The following XXYLT1 variants were observed in gnomAD, a reference collection of about 807,000 sequenced individuals.
XXYLT1 encodes UDP-xylose:alpha-xyloside alpha-1,3-xylosyltransferase.
XXYLT1 carries 20 observed loss-of-function variants against 28.9 expected under a neutral mutation model. That is an observed-to-expected ratio of 0.69 (90% CI 0.49 to 1.00). The LOEUF (loss-of-function observed/expected upper bound fraction) is 1.00, where lower values mean the gene tolerates loss of function less well. XXYLT1 is among the 50% of genes least tolerant of loss of function. XXYLT1 has a pLI of 0.00. For synonymous variants in XXYLT1, 257 were observed against 253.8 expected (o/e 1.01, Z -0.12); for missense variants, 542 against 560.1 (o/e 0.97, Z 0.33).
At chr3:195,242,775 T>A (rs903321295) in intron 1 of XXYLT1, among the ~76,000 whole-genome samples, 1 of 152,168 alleles carries the variant, frequency 6.6e-6, no homozygotes, top group Non-Finnish European at 1.5e-5. Context: ...GGTGCCATGA[T>A]GTTCTGAACA....
chr3:195,101,274 T>C (rs1716758853), intron 3 of XXYLT1, among the ~76,000 whole-genome samples: 1 of 152,288 alleles, frequency 6.6e-6, no homozygotes, highest in African/African-American at 2.4e-5. Flanking sequence ...AAGGAGAACA[T>C]GTACTAGTTA....
rs1245881483 is a variant in XXYLT1, at chr3:195,256,178, G to A, written c.504+14377C>T. Among the ~76,000 whole-genome samples, 4 of 152,190 alleles carry A rather than the reference G, an allele frequency of 2.6e-5. No individual in the cohort carries two copies. Among genetic ancestry groups the A allele is most frequent in the Non-Finnish European group, 4.4e-5 (3 of 68,020 alleles). On this transcript the variant is annotated intron_variant, in intron 1 of 3. Transcript: ENST00000310380. The surrounding 1 kb of genome is among the most constrained non-coding windows in gnomAD (Gnocchi z 4.2). The stretch of plus-strand genomic sequence containing the variant: ...CAGAGTGCTGAAGAATCAGCAAGCC[G>A]GACTCCAATCATGGCTCCGAGCAAG...
intron 3 of XXYLT1, among the ~76,000 whole-genome samples, chr3:195,116,047 A>G (rs917061805): frequency 3.3e-5 from 5 of 152,132 alleles, no homozygotes; most frequent in African/African-American, 9.7e-5. Context: ...ATGGGCCTAT[A>G]AGACTCAGCG....
intron 3 of XXYLT1, among the ~76,000 whole-genome samples, chr3:195,139,602 C>G (rs1358723346): frequency 6.6e-6 from 1 of 152,102 alleles, no homozygotes; most frequent in Non-Finnish European, 1.5e-5. Flanking sequence ...CAGAGCCTGG[C>G]CCTTAGCAGG....
intron 1 of XXYLT1, among the ~76,000 whole-genome samples, chr3:195,262,138 G>A (rs139276472): frequency 2.2e-4 from 34 of 152,314 alleles, no homozygotes; most frequent in African/African-American, 7.0e-4. Context: ...TTATCCATAC[G>A]ATGGAATAGT....
At chr3:195,119,669 AG>A in intron 3 of XXYLT1, among the ~76,000 whole-genome samples, 1 of 145,656 alleles carries the variant, frequency 6.9e-6, no homozygotes, top group Non-Finnish European at 1.5e-5. Flanking sequence ...AGATGAGAGG[AG>A]GCCTCCGAGG....
chr3:195,180,642 G>T lies in XXYLT1; in HGVS notation c.653-24061C>A. On this transcript the variant is annotated intron_variant, in intron 2 of 3. Coordinates refer to ENST00000310380, the MANE Select transcript of XXYLT1 (RefSeq NM_152531.5). The surrounding 1 kb of genome is among the most constrained non-coding windows in gnomAD (Gnocchi z 5.8). Reference sequence around the variant, plus strand: ...AGAGCACCAGACGGCGGTGGCTGGAGCACCCCGTGCCACTGCAAACGTGAC... The same window carrying T: ...AGAGCACCAGACGGCGGTGGCTGGATCACCCCGTGCCACTGCAAACGTGAC... 2.7e-6 allele frequency: 2 copies of T among 735,858 alleles called. No homozygotes were observed. The highest frequency in any genetic ancestry group is 3.3e-6 in the Non-Finnish European group (2 of 602,272). The allele number at this position is 735,858 out of a possible 1,614,324, so 45.6% of individuals were successfully genotyped here.
intron 1 of XXYLT1, among the ~76,000 whole-genome samples, chr3:195,242,611 G>A (rs564048633): frequency 2.0e-5 from 3 of 152,182 alleles, no homozygotes; most frequent in Admixed American, 6.5e-5. Flanking sequence ...GAAACAAAGT[G>A]CAGTGGAAAA....
At chr3:195,087,087 G>A (rs941679576) in intron 3 of XXYLT1, among the ~76,000 whole-genome samples, 3 of 152,174 alleles carry the variant, frequency 2.0e-5, no homozygotes, top group East Asian at 1.9e-4. Flanking sequence ...GGCAGGCTGC[G>A]GGGAGCAGTA....
At chr3:195,114,749 A>G (rs1183277996) in intron 3 of XXYLT1, among the ~76,000 whole-genome samples, 1 of 152,252 alleles carries the variant, frequency 6.6e-6, no homozygotes. Context: ...GCTTGTGACA[A>G]GCTTTCGTCA....
intron 3 of XXYLT1, among the ~76,000 whole-genome samples, chr3:195,120,346 G>A (rs1044654065): frequency 6.8e-6 from 1 of 148,006 alleles, no homozygotes; most frequent in Non-Finnish European, 1.5e-5. Flanking sequence ...GCTTCAGGCT[G>A]GGCATGGAAT....
chr3:195,130,357 C>T (rs1718842120), intron 3 of XXYLT1, among the ~76,000 whole-genome samples: 1 of 152,228 alleles, frequency 6.6e-6, no homozygotes. Flanking sequence ...CTAGAAACTG[C>T]TAGGCAGGTC....
chr3:195,142,882 T>C (rs1719566722), intron 3 of XXYLT1, among the ~76,000 whole-genome samples: 1 of 152,350 alleles, frequency 6.6e-6, no homozygotes, highest in East Asian at 1.9e-4. Context: ...CCCTTTGGAT[T>C]TCTCTCCCTC....
chr3:195,072,455 G>C (rs575063860), intron 3 of XXYLT1, among the ~76,000 whole-genome samples: 1 of 152,320 alleles, frequency 6.6e-6, no homozygotes, highest in South Asian at 2.1e-4. Context: ...CAGTGAACTA[G>C]CACTGAGCTC....
At chr3:195,247,111 G>A (rs769602741) in intron 1 of XXYLT1, among the ~76,000 whole-genome samples, 16 of 152,152 alleles carry the variant, frequency 1.1e-4, no homozygotes, top group South Asian at 6.2e-4. Context: ...TAAATTTTCC[G>A]GACAGTAGAA....
chr3:195,184,964 T>G (rs943368735), intron 2 of XXYLT1, among the ~76,000 whole-genome samples: 1 of 152,090 alleles, frequency 6.6e-6, no homozygotes, highest in Non-Finnish European at 1.5e-5. Flanking sequence ...TTACAAACCA[T>G]ACAAATCAGA....
chr3:195,179,264 A>G (rs369478849), intron 2 of XXYLT1, among the ~76,000 whole-genome samples: 1 of 151,152 alleles, frequency 6.6e-6, no homozygotes, highest in African/African-American at 2.4e-5. Context: ...TGCTTGAACC[A>G]GGGAGTCAGA....
Position 195,270,707 on chromosome 3 carries a change from C to T in XXYLT1, c.352G>A (p.Ala118Thr). Reference protein sequence around the residue: ...AEHNAALQAKARVALRSLLRL... With the variant: ...AEHNAALQAKTRVALRSLLRL... The stretch of plus-strand genomic sequence containing the variant: ...AGCAGTGAGCGCAGCGCGACGCGGG[C>T]CTTGGCCTGCAGCGCGGCATTGTGC... Residue 118 changes from alanine to threonine, a missense_variant, in exon 1 of 4, where the codon GCC (alanine) becomes ACC (threonine). By Grantham distance (58) the Ala-to-Thr change is moderately conservative. Transcript: ENST00000310380. 6.3e-7 allele frequency: 1 copy of T among 1,590,304 alleles called. No homozygotes were observed. Among genetic ancestry groups the T allele is most frequent in the Non-Finnish European group, 8.5e-7 (1 of 1,172,804 alleles).
chr3:195,252,723 CACACAGAG>C (rs1294231895), intron 1 of XXYLT1, among the ~76,000 whole-genome samples: 119 of 129,302 alleles, frequency 9.2e-4, no homozygotes, highest in African/African-American at 3.6e-3. Flanking sequence ...CACACACACA[CACACAGAG>C]AGAGAGAGAG....
Sources: allele counts gnomAD v4.1 joint callset (sites outside exome capture counted in the v4.1 genomes callset), GRCh38; gene constraint gnomAD v4.1.1; non-coding constraint Gnocchi (gnomAD v3.1); transcripts MANE v1.5; gene names NCBI Gene and HGNC (gene_info 2026-07-23, HGNC 2026-07-21).